The following AKAP13 variants were observed in gnomAD, a reference collection of about 807,000 sequenced individuals.
AKAP13 encodes A-kinase anchoring protein 13, also known as A-kinase anchor protein 13.
Under a neutral mutation model 264.5 loss-of-function variants are expected in AKAP13, and 80 were observed. The ratio of observed to expected loss-of-function variants is 0.30; its 90% CI spans 0.25 to 0.36. The LOEUF is 0.36. Ranked by LOEUF, AKAP13 falls within the 10% of genes least tolerant of loss-of-function variation. The probability of loss-of-function intolerance (pLI) is 1.00; values close to 1 mark genes in which losing one functional copy is unlikely to be tolerated. For missense variants in AKAP13, 3,712 were observed against 3,435.2 expected, an observed-to-expected ratio of 1.08 and a Z score of -2.01; for synonymous variants, 1,380 against 1,250.2, an observed-to-expected ratio of 1.10 and a Z score of -2.19.
At chr15:85,399,535 A>AAAATAAATAAATAAATAAAT (rs1315010301) in intron 1 of AKAP13, among the ~76,000 whole-genome samples, 2 of 105,600 alleles carry the variant, frequency 1.9e-5, no homozygotes, top group East Asian at 2.4e-4. Flanking sequence ...AAAAAATAAA[A>AAAATAAATAAATAAATAAAT]AAATAAATAA....
chr15:85,681,160 T>G (rs999469528), intron 14 of AKAP13, among the ~76,000 whole-genome samples: 9 of 152,172 alleles, frequency 5.9e-5, no homozygotes, highest in African/African-American at 2.2e-4. Context: ...CAAATCTCTA[T>G]CAGATTAAAG....
intron 5 of AKAP13, among the ~76,000 whole-genome samples, chr15:85,545,135 G>GCTCT (rs1368495133): frequency 2.6e-5 from 4 of 152,162 alleles, no homozygotes; most frequent in African/African-American, 9.7e-5. Context: ...GGATACCTGA[G>GCTCT]CTCTCCTAAG....
chr15:85,429,009 G>A (rs1201464033), intron 1 of AKAP13, among the ~76,000 whole-genome samples: 5 of 152,154 alleles, frequency 3.3e-5, no homozygotes, highest in Non-Finnish European at 5.9e-5. Context: ...TACAGATGAA[G>A]AAACTGTGGT....
At chr15:85,731,868 G>C (rs1206960086) in intron 30 of AKAP13, among the ~76,000 whole-genome samples, 1 of 151,958 alleles carries the variant, frequency 6.6e-6, no homozygotes, top group East Asian at 1.9e-4. Flanking sequence ...GATCACCTGA[G>C]GGTCAGGAGT....
chr15:85,579,671 A>G lies in AKAP13; in HGVS notation c.1603A>G (p.Asn535Asp). The change falls in exon 7 of 37, where the codon AAC (asparagine) becomes GAC (aspartate). Residue 535 changes from asparagine (N) to aspartate (D), a missense_variant. Coordinates refer to ENST00000394518, the MANE Select transcript of AKAP13 (RefSeq NM_007200.5). ...GCCTGTGGATAAAATCAGTGTTCCA[A>G]ACTGTGCCCCTGCTGCCAGTTCCCT... The part of the protein sequence containing the change: ...SKPVDKISVP[N>D]CAPAASSLDG... 2 of 1,614,180 alleles carry G rather than the reference A, an allele frequency of 1.2e-6. No individual in the cohort carries two copies. Among genetic ancestry groups the G allele is most frequent in the Non-Finnish European group, 1.7e-6 (2 of 1,180,022 alleles).
chr15:85,553,871 A>G (rs965350399), intron 5 of AKAP13, among the ~76,000 whole-genome samples: 9 of 152,092 alleles, frequency 5.9e-5, no homozygotes, highest in Non-Finnish European at 1.0e-4. Flanking sequence ...TATGTGAGGG[A>G]TCTAGGTTGC....
Position 85,741,303 on chromosome 15 carries a change from CGAG to C in AKAP13, c.7874_7876del (p.Glu2625del). ...AGCGGGAGGCCCTCCTGGCCCAGCG[CGAG>C]GAGGAGGTGCAGCAGGGGCAGCAGG... On this transcript the variant is annotated inframe_deletion, in exon 35 of 37. Transcript: ENST00000394518. 1 of 1,611,890 alleles carries C rather than the reference CGAG, an allele frequency of 6.2e-7. No homozygotes were observed. Among genetic ancestry groups the C allele is most frequent in the East Asian group, 2.2e-5 (1 of 44,778 alleles).
chr15:85,735,612 A>G lies in AKAP13; in HGVS notation c.7494A>G (p.Ser2498=). 1 of 1,613,276 alleles carries G rather than the reference A, an allele frequency of 6.2e-7. No homozygotes were observed. The highest frequency in any genetic ancestry group is 1.1e-5 in the South Asian group (1 of 90,682). Residue 2498 remains serine, a synonymous_variant, in exon 32 of 37, where the codon TCA becomes TCG. Transcript: ENST00000394518. ...GCCAAGATCTTAGGAGAACGGAATC[A>G]GATAGTGGCCTAAAAAAGGTATTTC... ...DDGQDLRRTE[S]DSGLKKGGNA...
chr15:85,717,187 T>G, intron 20 of AKAP13, 103 bp from the exon 21 acceptor site: 3 of 691,682 alleles, frequency 4.3e-6, no homozygotes, highest in Non-Finnish European at 4.7e-6. Flanking sequence ...CTGTAGTACT[T>G]CCAGCCAGTT....
chr15:85,468,657 T>C (rs1596276373), intron 1 of AKAP13, among the ~76,000 whole-genome samples: 1 of 152,212 alleles, frequency 6.6e-6, no homozygotes, highest in East Asian at 1.9e-4. Context: ...ACTGGATTTG[T>C]AGAATTTTGT....
At chr15:85,741,864 G>A (rs1048239090) in intron 35 of AKAP13, among the ~76,000 whole-genome samples, 1 of 152,100 alleles carries the variant, frequency 6.6e-6, no homozygotes, top group African/African-American at 2.4e-5. Context: ...GGTCAACATG[G>A]CGAAACGGCG....
At chr15:85,392,415 C>A (rs559335884) in intron 1 of AKAP13, among the ~76,000 whole-genome samples, 2 of 150,880 alleles carry the variant, frequency 1.3e-5, no homozygotes, top group African/African-American at 4.9e-5. Context: ...CCACCACGCC[C>A]GGCTAATTTT....
chr15:85,676,650 G>A (rs767426088), intron 14 of AKAP13, among the ~76,000 whole-genome samples: 3 of 152,094 alleles, frequency 2.0e-5, no homozygotes, highest in Non-Finnish European at 4.4e-5. Flanking sequence ...AGGGAGAAGA[G>A]AGCCAGATAT....
At chr15:85,686,429 A>G (rs1398146219) in intron 16 of AKAP13, among the ~76,000 whole-genome samples, 2 of 152,198 alleles carry the variant, frequency 1.3e-5, no homozygotes, top group Non-Finnish European at 2.9e-5. Flanking sequence ...TGGTTTAGCA[A>G]ATACATTCAA....
intron 1 of AKAP13, among the ~76,000 whole-genome samples, chr15:85,433,441 G>A (rs568791982): frequency 1.3e-5 from 2 of 151,904 alleles, no homozygotes; most frequent in East Asian, 1.9e-4. Context: ...GGGCATTTTC[G>A]CTTTCCTACA....
intron 1 of AKAP13, among the ~76,000 whole-genome samples, chr15:85,473,840 C>G (rs759278979): frequency 2.8e-4 from 42 of 152,346 alleles, no homozygotes; most frequent in Non-Finnish European, 3.1e-4. Context: ...GAGATGCCAT[C>G]TGTGCAGCAA....
At chr15:85,414,087 C>T (rs930308309) in intron 1 of AKAP13, among the ~76,000 whole-genome samples, 1 of 152,012 alleles carries the variant, frequency 6.6e-6, no homozygotes, top group African/African-American at 2.4e-5. Context: ...TAAGGTTTTT[C>T]GTCATGTTTA....
At chr15:85,435,382 A>G (rs2073232848) in intron 1 of AKAP13, among the ~76,000 whole-genome samples, 1 of 121,210 alleles carries the variant, frequency 8.3e-6, no homozygotes, top group Non-Finnish European at 1.7e-5. Context: ...ACCAAGTTGG[A>G]AAACACTCTG....
intron 16 of AKAP13, 179 bp downstream of exon 16, chr15:85,685,052 C>T (rs755091149): frequency 1.8e-5 from 13 of 726,652 alleles, no homozygotes; most frequent in Non-Finnish European, 2.3e-5. Flanking sequence ...AGAAGTGGAA[C>T]TACCAGTTAC....
Sources: allele counts gnomAD v4.1 joint callset (sites outside exome capture counted in the v4.1 genomes callset), GRCh38; gene constraint gnomAD v4.1.1; transcripts MANE v1.5; gene names NCBI Gene and HGNC (gene_info 2026-07-23, HGNC 2026-07-21).